SAMD12: variants seen among roughly 807,000 people sequenced by gnomAD.
The protein encoded by SAMD12 is sterile alpha motif domain-containing protein 12.
SAMD12 carries 9 observed loss-of-function variants against 15.0 expected under a neutral mutation model. The observed-to-expected ratio is 0.60, with a 90% CI of 0.36 to 1.05. The LOEUF (loss-of-function observed/expected upper bound fraction) is 1.05. Ranked by LOEUF, SAMD12 falls within the 50% of genes least tolerant of loss-of-function variation. The pLI is 0.01. For missense variants in SAMD12, 230 were observed against 234.2 expected, an observed-to-expected ratio of 0.98 and a Z score of 0.12; for synonymous variants, 86 against 90.1, an observed-to-expected ratio of 0.96 and a Z score of 0.25.
chr8:118,443,992 T>G (rs760741636), intron 2 of SAMD12, among the ~76,000 whole-genome samples: 1 of 152,226 alleles, frequency 6.6e-6, no homozygotes, highest in Non-Finnish European at 1.5e-5. Flanking sequence ...GAGCTGTCAA[T>G]GCCTTCGACC....
intron 4 of SAMD12, among the ~76,000 whole-genome samples, chr8:118,203,309 A>T (rs1467703968): frequency 1.3e-5 from 2 of 152,154 alleles, no homozygotes; most frequent in Non-Finnish European, 2.9e-5. Context: ...TGTTTAGAGC[A>T]CTGGTTCTCA....
At chr8:118,221,830 G>A (rs111914122) in intron 4 of SAMD12, among the ~76,000 whole-genome samples, 2 of 152,210 alleles carry the variant, frequency 1.3e-5, no homozygotes, top group African/African-American at 4.8e-5. Flanking sequence ...TTTTACATTC[G>A]TTGGGGTGAT....
chr8:118,611,414 G>A (rs1172866753), intron 1 of SAMD12, among the ~76,000 whole-genome samples: 2 of 152,178 alleles, frequency 1.3e-5, no homozygotes, highest in African/African-American at 4.8e-5. Context: ...TACTCTCAGA[G>A]ATGGAAAGAG....
At chr8:118,391,995 G>A (rs1006325016) in intron 3 of SAMD12, among the ~76,000 whole-genome samples, 3 of 151,664 alleles carry the variant, frequency 2.0e-5, no homozygotes, top group Admixed American at 6.6e-5. Flanking sequence ...GGCTGGATTA[G>A]CCAGTCATTA....
chr8:118,223,855 CTCATGGTG>C (rs1300610041), intron 4 of SAMD12, among the ~76,000 whole-genome samples: 3 of 152,136 alleles, frequency 2.0e-5, no homozygotes, highest in Non-Finnish European at 4.4e-5. Context: ...TGCAAGGTTG[CTCATGGTG>C]TCATCTTTAG....
chr8:118,198,946 T>C (rs1016170587), intron 4 of SAMD12, among the ~76,000 whole-genome samples: 1 of 152,132 alleles, frequency 6.6e-6, no homozygotes, highest in African/African-American at 2.4e-5. Flanking sequence ...AGGTTATTTA[T>C]CATAGAGGAA....
At chr8:118,225,584 T>C (rs536112172) in intron 4 of SAMD12, among the ~76,000 whole-genome samples, 1 of 152,296 alleles carries the variant, frequency 6.6e-6, no homozygotes, top group East Asian at 1.9e-4. Flanking sequence ...AGAACCTTTC[T>C]GGAGCTTAGC....
chr8:118,493,008 C>T lies in SAMD12; in HGVS notation c.193-53047G>A, dbSNP rs534312723. On this transcript the variant is annotated intron_variant, in intron 2 of 3. Transcript: ENST00000314727. ...ACCCAGTATATCAAGTATTAGCCTA[C>T]AACAGAGAAAAGAAAAATATGAAAC... Among the ~76,000 whole-genome samples the T allele has an allele frequency of 1.4e-4, 22 of 152,150 alleles. No individual in the cohort carries two copies. The South Asian group carries it at 4.6e-3, about 32-fold the overall frequency.
At chr8:118,493,707 A>C (rs1333085155) in intron 2 of SAMD12, among the ~76,000 whole-genome samples, 2 of 152,166 alleles carry the variant, frequency 1.3e-5, no homozygotes, top group African/African-American at 4.8e-5. Context: ...CCACAGACCC[A>C]CAAGTTGAAG....
At chr8:118,292,997 C>T (rs1286919633) in intron 4 of SAMD12, among the ~76,000 whole-genome samples, 1 of 151,870 alleles carries the variant, frequency 6.6e-6, no homozygotes, top group East Asian at 1.9e-4. Context: ...CACATGTATA[C>T]ATATGTAACT....
At chr8:118,294,675 A>G (rs1403175381) in intron 4 of SAMD12, among the ~76,000 whole-genome samples, 3 of 152,248 alleles carry the variant, frequency 2.0e-5, no homozygotes, top group Non-Finnish European at 4.4e-5. Flanking sequence ...TATTTTTTAA[A>G]ATTCTTGCAA....
At chr8:118,370,180 A>G (rs1436159973) in intron 4 of SAMD12, among the ~76,000 whole-genome samples, 1 of 152,214 alleles carries the variant, frequency 6.6e-6, no homozygotes, top group Non-Finnish European at 1.5e-5. Context: ...AAACATGAAA[A>G]AAAAGCTCAA....
chr8:118,561,524 A>G (rs1782849143), intron 2 of SAMD12, among the ~76,000 whole-genome samples: 1 of 152,218 alleles, frequency 6.6e-6, no homozygotes, highest in Admixed American at 6.5e-5. Flanking sequence ...GGAAACTTAC[A>G]ATCATGGTGG....
intron 1 of SAMD12, among the ~76,000 whole-genome samples, chr8:118,617,273 A>T (rs1586860763): frequency 6.6e-6 from 1 of 152,248 alleles, no homozygotes; most frequent in Non-Finnish European, 1.5e-5. Context: ...GTTTACCGTG[A>T]CTGCTTCTAT....
intron 4 of SAMD12, among the ~76,000 whole-genome samples, chr8:118,275,186 T>A (rs547394697): frequency 6.6e-6 from 1 of 152,190 alleles, no homozygotes; most frequent in South Asian, 2.1e-4. Flanking sequence ...TAGAACTTTA[T>A]AGAATAATTT....
In SAMD12 at chr8:118,486,161, T is replaced by C. The variant is rs901242177; in HGVS notation, c.193-46200A>G. On this transcript the variant is annotated intron_variant, in intron 2 of 3. Transcript: ENST00000314727. Reference sequence around the variant, plus strand: ...TGGGGGTGGTGGCTCACACCTGTAATCCCAGCACTTTGGGAGGCCAAGGCG... The same window carrying C: ...TGGGGGTGGTGGCTCACACCTGTAACCCCAGCACTTTGGGAGGCCAAGGCG... Among the ~76,000 whole-genome samples, 104 of 152,068 alleles carry C rather than the reference T, an allele frequency of 6.8e-4. 1 individual carries two copies. The highest frequency in any genetic ancestry group is 6.8e-3 in the Admixed American group (104 of 15,258).
intron 4 of SAMD12, among the ~76,000 whole-genome samples, chr8:118,340,154 C>T (rs543297249): frequency 6.6e-6 from 1 of 152,302 alleles, no homozygotes; most frequent in Admixed American, 6.5e-5. Flanking sequence ...GCTGTATTGC[C>T]ATGGAATAAA....
chr8:118,467,054 G>A (rs1823615084), intron 2 of SAMD12, among the ~76,000 whole-genome samples: 1 of 152,132 alleles, frequency 6.6e-6, no homozygotes, highest in Admixed American at 6.6e-5. Context: ...AGTCACAAAA[G>A]AGGATAACAG....
At chr8:118,329,460 AC>A (rs1421606533) in intron 4 of SAMD12, among the ~76,000 whole-genome samples, 1 of 152,154 alleles carries the variant, frequency 6.6e-6, no homozygotes, top group East Asian at 1.9e-4. Context: ...GGAAACAAAC[AC>A]CTGTCCATTA....
Sources: allele counts gnomAD v4.1 joint callset (sites outside exome capture counted in the v4.1 genomes callset), GRCh38; gene constraint gnomAD v4.1.1; transcripts MANE v1.5; gene names NCBI Gene and HGNC (gene_info 2026-07-23, HGNC 2026-07-21).